FMN1: variants seen among roughly 807,000 people sequenced by gnomAD.
FMN1 encodes formin-1.
FMN1 carries 110 observed loss-of-function variants against 132.4 expected under a neutral mutation model. The observed-to-expected ratio is 0.83, with a 90% CI of 0.71 to 0.97. The LOEUF (loss-of-function observed/expected upper bound fraction) is 0.97, where lower values mean the gene tolerates loss of function less well. Ranked by LOEUF, FMN1 falls within the 50% of genes least tolerant of loss-of-function variation. The probability of loss-of-function intolerance (pLI) is 0.00; values close to 1 mark genes in which losing one functional copy is unlikely to be tolerated. For synonymous variants in FMN1, 722 were observed against 651.7 expected (o/e 1.11, Z -1.64); for missense variants, 1,792 against 1,705.3 (o/e 1.05, Z -0.90).
chr15:32,812,808 A>G (rs2057928407), intron 17 of FMN1, among the ~76,000 whole-genome samples: 1 of 152,242 alleles, frequency 6.6e-6, no homozygotes, highest in African/African-American at 2.4e-5. Flanking sequence ...TTTGCATACA[A>G]TAGAAAGGGT....
intron 6 of FMN1, among the ~76,000 whole-genome samples, chr15:33,032,699 G>A (rs925746621): frequency 6.6e-6 from 1 of 152,132 alleles, no homozygotes; most frequent in Non-Finnish European, 1.5e-5. Context: ...TTGATGAGTT[G>A]ATTTCACTTT....
In FMN1 at chr15:32,968,781, G is replaced by A. The variant is rs769695194; in HGVS notation, c.2920C>T (p.Pro974Ser). ...GSSSSQCPRK[P>S]AIEPSCPMKP... ...ATGGGACAACTGGGCTCGATGGCTG[G>A]TTTTCGAGGACATTGACTGGAAGAA... The change falls in exon 8 of 21, where the codon CCA (proline) becomes TCA (serine). Residue 974 changes from proline to serine, a missense_variant. Coordinates refer to ENST00000616417, the MANE Select transcript of FMN1 (RefSeq NM_001277313.2). The A allele has an allele frequency of 1.6e-5, 25 of 1,578,030 alleles. No individual in the cohort carries two copies. The African/African-American group carries it at 3.3e-4, about 21-fold the overall frequency.
At chr15:33,087,344 G>A (rs1283413970) in intron 5 of FMN1, among the ~76,000 whole-genome samples, 5 of 152,060 alleles carry the variant, frequency 3.3e-5, no homozygotes, top group South Asian at 2.1e-4. Context: ...TCAAGAGTTC[G>A]AGAACAGCCT....
intron 18 of FMN1, among the ~76,000 whole-genome samples, chr15:32,801,326 C>T (rs2140990602): frequency 6.6e-6 from 1 of 152,268 alleles, no homozygotes; most frequent in East Asian, 1.9e-4. Context: ...AAAAAAAATA[C>T]TAAATTTCAG....
At chr15:32,858,361 T>C (rs972468394) in intron 16 of FMN1, among the ~76,000 whole-genome samples, 1 of 152,214 alleles carries the variant, frequency 6.6e-6, no homozygotes, top group African/African-American at 2.4e-5. Flanking sequence ...GCCAACTAGA[T>C]TGCAGAAATC....
At chr15:32,851,623 G>A (rs2059010606) in intron 17 of FMN1, among the ~76,000 whole-genome samples, 1 of 152,088 alleles carries the variant, frequency 6.6e-6, no homozygotes, top group South Asian at 2.1e-4. Context: ...CCCGCCAAGT[G>A]GTGCCATTAA....
At chr15:32,962,206 G>A (rs551267970) in intron 9 of FMN1, among the ~76,000 whole-genome samples, 268 of 152,120 alleles carry the variant, frequency 1.8e-3, no homozygotes, top group Middle Eastern at 3.4e-3. Flanking sequence ...TTATACAATG[G>A]AAATGTTTTA....
chr15:32,932,377 G>A (rs748251253), intron 9 of FMN1, among the ~76,000 whole-genome samples: 7 of 152,178 alleles, frequency 4.6e-5, no homozygotes, highest in Non-Finnish European at 1.0e-4. Flanking sequence ...CTCCAGCCTA[G>A]GAAACAGAGT....
intron 6 of FMN1, among the ~76,000 whole-genome samples, chr15:33,053,655 T>G (rs1272233383): frequency 6.6e-6 from 1 of 152,110 alleles, no homozygotes; most frequent in African/African-American, 2.4e-5. Flanking sequence ...GATAATTTCC[T>G]GGAAAAGACT....
chr15:33,136,606 G>A (rs1963777891), intron 4 of FMN1, among the ~76,000 whole-genome samples: 1 of 152,112 alleles, frequency 6.6e-6, no homozygotes, highest in Non-Finnish European at 1.5e-5. Flanking sequence ...GCTCTACAGG[G>A]TTTGGCTCTG....
intron 4 of FMN1, among the ~76,000 whole-genome samples, chr15:33,112,178 G>A (rs1354187459): frequency 1.3e-5 from 2 of 152,048 alleles, no homozygotes; most frequent in African/African-American, 4.8e-5. Context: ...AATGGATTTA[G>A]TACCATAGTC....
rs979451264 is a variant in FMN1 at position 32,996,715 on chromosome 15, T to C, written c.2223+11299A>G. Among the ~76,000 whole-genome samples the C allele has an allele frequency of 1.4e-4, 22 of 152,046 alleles. 1 individual carries two copies. The highest frequency in any genetic ancestry group is 2.6e-4 in the Non-Finnish European group (18 of 67,984). On this transcript the variant is annotated intron_variant, in intron 7 of 20. Coordinates refer to ENST00000616417, the MANE Select transcript of FMN1 (RefSeq NM_001277313.2). Reference sequence around the variant, plus strand: ...TGCAGTGAAATGGTCAAAGCACACATAATGTTACGCGCGTATACACACAAA... The same window carrying C: ...TGCAGTGAAATGGTCAAAGCACACACAATGTTACGCGCGTATACACACAAA...
At chr15:33,132,679 G>A (rs1258452751) in intron 4 of FMN1, among the ~76,000 whole-genome samples, 1 of 152,164 alleles carries the variant, frequency 6.6e-6, no homozygotes, top group Non-Finnish European at 1.5e-5. Context: ...TTCTTGGTGA[G>A]ACATAAACCT....
chr15:32,839,099 T>C (rs888420290), intron 17 of FMN1, among the ~76,000 whole-genome samples: 3 of 151,996 alleles, frequency 2.0e-5, no homozygotes, highest in African/African-American at 7.3e-5. Context: ...AGAGGAGGAC[T>C]AGGAAGAACT....
At chr15:33,180,315 T>C (rs1965651921) in intron 2 of FMN1, 53 bp from the exon 3 acceptor site, 1 of 151,970 alleles carries the variant, frequency 6.6e-6, no homozygotes, top group African/African-American at 2.4e-5. Context: ...ATTTGCACAT[T>C]AGGTGTGTAT....
chr15:32,964,818 T>TA (rs2031034835), intron 8 of FMN1, among the ~76,000 whole-genome samples: 1 of 152,228 alleles, frequency 6.6e-6, no homozygotes, highest in South Asian at 2.1e-4. Flanking sequence ...TTAAAATACA[T>TA]GATTCATAGT....
intron 17 of FMN1, among the ~76,000 whole-genome samples, chr15:32,827,873 G>T (rs889704992): frequency 6.6e-6 from 1 of 151,702 alleles, no homozygotes; most frequent in Non-Finnish European, 1.5e-5. Context: ...CATACAGATT[G>T]CTGGCTCTCC....
intron 5 of FMN1, chr15:33,068,056 C>T: frequency 1.4e-6 from 2 of 1,426,286 alleles, no homozygotes; most frequent in Non-Finnish European, 1.8e-6. Flanking sequence ...ACAGTGCCCT[C>T]CTTCCGGTTT....
intron 5 of FMN1, among the ~76,000 whole-genome samples, chr15:33,070,874 C>G (rs1372475679): frequency 6.6e-6 from 1 of 152,120 alleles, no homozygotes; most frequent in Non-Finnish European, 1.5e-5. Flanking sequence ...TATTATTATT[C>G]TCTTTTTCCT....
Sources: allele counts gnomAD v4.1 joint callset (sites outside exome capture counted in the v4.1 genomes callset), GRCh38; gene constraint gnomAD v4.1.1; transcripts MANE v1.5; gene names NCBI Gene and HGNC (gene_info 2026-07-23, HGNC 2026-07-21).